MDM4: variants seen among roughly 807,000 people sequenced by gnomAD.
MDM4 encodes the protein protein Mdm4.
MDM4 carries 2 observed loss-of-function variants against 60.2 expected under a neutral mutation model. The observed-to-expected ratio is 0.03, with a 90% confidence interval of 0.01 to 0.10. MDM4 has a LOEUF of 0.10. Among genes scored for constraint, MDM4 ranks in the 10% least tolerant of loss-of-function variants. The probability of loss-of-function intolerance (pLI) is 1.00; values close to 1 mark genes in which losing one functional copy is unlikely to be tolerated. For synonymous variants in MDM4, 202 were observed against 198.1 expected (o/e 1.02, Z -0.17); for missense variants, 447 against 577.5 (o/e 0.77, Z 2.32).
In MDM4 at chr1:204,530,779, A is replaced by G; in HGVS notation, c.249A>G (p.Glu83=). The part of the protein sequence containing the change: ...MVYCGGDLLG[E]LLGRQSFSVK... ...ATTGTGGTGGAGATCTTTTGGGAGAACTACTGGGACGTCAGAGCTTCTCCG... is the reference window on the plus strand; with the variant it reads ...ATTGTGGTGGAGATCTTTTGGGAGAGCTACTGGGACGTCAGAGCTTCTCCG... Residue 83 remains glutamate (E), a synonymous_variant, in exon 4 of 11, where the codon GAA becomes GAG. Transcript: ENST00000367182. 1 of 1,614,006 alleles carries G rather than the reference A, an allele frequency of 6.2e-7. No homozygotes were observed. The highest frequency in any genetic ancestry group is 1.3e-5 in the African/African-American group (1 of 74,972).
intron 1 of MDM4, among the ~76,000 whole-genome samples, chr1:204,521,378 C>G (rs192634243): frequency 1.3e-5 from 2 of 152,078 alleles, no homozygotes; most frequent in Non-Finnish European, 2.9e-5. Context: ...GAGGCTGGAA[C>G]GTGTGTGATG....
chr1:204,530,533 T>C, intron 3 of MDM4, 151 bp from the exon 4 acceptor site: 1 of 898,416 alleles, frequency 1.1e-6, no homozygotes, highest in East Asian at 2.5e-5. Flanking sequence ...GGAGCGGCTT[T>C]CCTGTTGTAG....
chr1:204,521,407 C>T (rs943211514), intron 1 of MDM4, among the ~76,000 whole-genome samples: 8 of 151,892 alleles, frequency 5.3e-5, no homozygotes, highest in Non-Finnish European at 8.8e-5. Flanking sequence ...TGTTTTCTTT[C>T]TTTTTTTTAA....
intron 1 of MDM4, among the ~76,000 whole-genome samples, chr1:204,525,029 T>G (rs1553319503): frequency 6.6e-6 from 1 of 152,224 alleles, no homozygotes; most frequent in Non-Finnish European, 1.5e-5. Flanking sequence ...TAGTTAACTT[T>G]CTATGGTCCT....
rs139019079 is a variant in MDM4 at position 204,541,910 on chromosome 1, GCA to G, written c.512-873_512-872del. Among the ~76,000 whole-genome samples, 1,016 of 152,268 alleles carry G rather than the reference GCA, an allele frequency of 6.7e-3. 11 individuals are homozygous for G. The highest frequency in any genetic ancestry group is 0.023 in the African/African-American group (939 of 41,558). On this transcript the variant is annotated intron_variant, in intron 7 of 10. Transcript: ENST00000367182. ...CACGTTAACCCCATGGTTGCTATGG[GCA>G]GGCCTAATGTATTGGGAGGAGGTAG...
At chr1:204,549,045 C>G (rs1188931348) in intron 10 of MDM4, 68 bp from the exon 11 acceptor site, 1 of 971,362 alleles carries the variant, frequency 1.0e-6, no homozygotes, top group African/African-American at 1.6e-5. Flanking sequence ...ATGAATTTGA[C>G]CTCCTTTCCT....
rs1395634200 is a variant in MDM4 at position 204,551,073 on chromosome 1, TG to T, written c.*1392del. The T allele has an allele frequency of 5.3e-6, 1 of 189,268 alleles. No homozygotes were observed. Among genetic ancestry groups the T allele is most frequent in the African/African-American group, 2.3e-5 (1 of 42,700 alleles). The allele number at this position is 189,268 out of a possible 1,614,324, so 11.7% of individuals were successfully genotyped here. A position where few individuals can be genotyped will look rare whatever the true frequency, so the allele number is the denominator to read the frequency against. ...TGTTTTGTTTTTTGAGACAGGGTCT[TG>T]CTCTGTCGCCCAGGCTGGAGTGCAC... On this transcript the variant is annotated 3_prime_UTR_variant, in exon 11 of 11. Transcript: ENST00000367182.
rs1479471352 is a variant in MDM4, at chr1:204,526,452, A to C, written c.153+18A>C. On this transcript the variant is annotated intron_variant, in intron 3 of 10. Transcript: ENST00000367182. Reference sequence around the variant, plus strand: ...TTAAAGAGGTAAGCCATCAAATAAAATTCTCATTTTTTTTGTTTTTTTTTT... The same window carrying C: ...TTAAAGAGGTAAGCCATCAAATAAACTTCTCATTTTTTTTGTTTTTTTTTT... 1 of 1,535,298 alleles carries C rather than the reference A, an allele frequency of 6.5e-7. No homozygotes were observed. The highest frequency in any genetic ancestry group is 1.9e-5 in the Admixed American group (1 of 53,004).
rs905815230 is a variant in MDM4 at position 204,529,131 on chromosome 1, G to C, written c.154-1553G>C. On this transcript the variant is annotated intron_variant, in intron 3 of 10. Coordinates refer to ENST00000367182, the MANE Select transcript of MDM4 (RefSeq NM_002393.5). ...GTTGTCCCAGTCATAACTGCTGGAA[G>C]AGCTGCTTCCACTGCTGGATGAATT... The C allele has an allele frequency of 1.7e-5, 19 of 1,124,170 alleles. No homozygotes were observed. In the African/African-American group the frequency reaches 2.5e-4, roughly 15 times the overall value. The allele number at this position is 1,124,170 out of a possible 1,614,324, so 69.6% of individuals were successfully genotyped here.
chr1:204,532,845 G>A, intron 5 of MDM4: 1 of 1,605,764 alleles, frequency 6.2e-7, no homozygotes, highest in Admixed American at 1.7e-5. Context: ...TGTTTAATGT[G>A]TTTCTTTACC....
intron 2 of MDM4, 128 bp downstream of exon 2, chr1:204,525,724 G>C (rs1198091433): frequency 1.6e-6 from 1 of 641,534 alleles, no homozygotes; most frequent in East Asian, 2.8e-5. Context: ...TTGAAGCCAG[G>C]TGTTTGAGAC....
At chr1:204,538,389 A>G (rs1661637573) in intron 7 of MDM4, 81 bp downstream of exon 7, 1 of 760,110 alleles carries the variant, frequency 1.3e-6, no homozygotes, top group Admixed American at 2.3e-5. Flanking sequence ...CCGTATGTGA[A>G]GTAGGAGAGG....
chr1:204,547,609 C>T (rs1662792378), intron 10 of MDM4, among the ~76,000 whole-genome samples: 1 of 152,196 alleles, frequency 6.6e-6, no homozygotes, highest in African/African-American at 2.4e-5. Flanking sequence ...CACCACACCA[C>T]TGTTGAGCAT....
rs185651703 is a variant in MDM4 at position 204,528,208 on chromosome 1, G to A, written c.153+1774G>A. 2.1e-3 allele frequency among the ~76,000 whole-genome samples: 313 copies of A among 152,100 alleles called. 1 individual carries two copies. The highest frequency in any genetic ancestry group is 7.0e-3 in the African/African-American group (292 of 41,490). On this transcript the variant is annotated intron_variant, in intron 3 of 10. Coordinates refer to ENST00000367182, the MANE Select transcript of MDM4 (RefSeq NM_002393.5). Reference sequence around the variant, plus strand: ...AGGTGACCACTGTCCCCTGGAGATGGAAGCCGAGCAGAGCGTGGCAGGCAA... The same window carrying A: ...AGGTGACCACTGTCCCCTGGAGATGAAAGCCGAGCAGAGCGTGGCAGGCAA...
intron 5 of MDM4, chr1:204,532,795 T>C (rs1369115356): frequency 2.5e-6 from 4 of 1,611,826 alleles, no homozygotes; most frequent in African/African-American, 1.3e-5. Context: ...CTGTAGAATT[T>C]CCCACGCTCT....
chr1:204,536,892 A>C (rs768191742), intron 5 of MDM4: 22 of 381,180 alleles, frequency 5.8e-5, no homozygotes, highest in African/African-American at 4.8e-4. Context: ...GGGAATTTAA[A>C]CCATAAAATT....
chr1:204,530,935 A>T, intron 4 of MDM4, 118 bp downstream of exon 4: 1 of 1,327,172 alleles, frequency 7.5e-7, no homozygotes, highest in Non-Finnish European at 1.1e-6. Context: ...TACATATGTT[A>T]GGTAGCCTAT....
rs1335058851 is a variant in MDM4 at position 204,519,854 on chromosome 1, T to C, written c.-36+3345T>C. Among the ~76,000 whole-genome samples, 5 of 152,046 alleles carry C rather than the reference T, an allele frequency of 3.3e-5. No individual in the cohort carries two copies. In the East Asian group the frequency reaches 7.8e-4, roughly 24 times the overall value. ...ATTCTGTAATTTATTCCATCTGTAATGTTATGGAATCACAGATGGAATAAA... is the reference window on the plus strand; with the variant it reads ...ATTCTGTAATTTATTCCATCTGTAACGTTATGGAATCACAGATGGAATAAA... On this transcript the variant is annotated intron_variant, in intron 1 of 10. Coordinates refer to ENST00000367182, the MANE Select transcript of MDM4 (RefSeq NM_002393.5).
At chr1:204,537,942 T>G in intron 6 of MDM4, 1 of 714,490 alleles carries the variant, frequency 1.4e-6, no homozygotes, top group Non-Finnish European at 2.7e-6. Flanking sequence ...GACTGGAGGG[T>G]TTATACAGAT....
Sources: allele counts gnomAD v4.1 joint callset (sites outside exome capture counted in the v4.1 genomes callset), GRCh38; gene constraint gnomAD v4.1.1; transcripts MANE v1.5; gene names NCBI Gene and HGNC (gene_info 2026-07-23, HGNC 2026-07-21).